DAGLA: variants seen among roughly 807,000 people sequenced by gnomAD.
The protein encoded by DAGLA is diacylglycerol lipase alpha.
DAGLA carries 22 observed loss-of-function variants against 102.6 expected under a neutral mutation model. The ratio of observed to expected loss-of-function variants is 0.21; its 90% CI spans 0.15 to 0.31. The LOEUF is 0.31. Ranked by LOEUF, DAGLA falls within the 10% of genes least tolerant of loss-of-function variation. The probability of loss-of-function intolerance (pLI) is 1.00; values close to 1 mark genes in which losing one functional copy is unlikely to be tolerated. For missense variants in DAGLA, 927 were observed against 1,446.6 expected, an observed-to-expected ratio of 0.64 and a Z score of 5.83; for synonymous variants, 578 against 628.9, an observed-to-expected ratio of 0.92 and a Z score of 1.21.
At chr11:61,711,147 T>C (rs1746573699) in intron 1 of DAGLA, among the ~76,000 whole-genome samples, 1 of 151,926 alleles carries the variant, frequency 6.6e-6, no homozygotes. Flanking sequence ...CCGGGGCAGG[T>C]AGAAAGGACG....
chr11:61,726,129 G>A, intron 6 of DAGLA, 47 bp downstream of exon 6: 1 of 1,560,484 alleles, frequency 6.4e-7, no homozygotes, highest in Non-Finnish European at 8.8e-7. Context: ...CCTGTGGTCA[G>A]GTGATTAAGG....
chr11:61,683,214 T>A (rs1168175750), intron 1 of DAGLA, among the ~76,000 whole-genome samples: 2 of 152,216 alleles, frequency 1.3e-5, no homozygotes, highest in Admixed American at 1.3e-4. Flanking sequence ...GTGCCCAGGC[T>A]GCAGTGTCAA....
chr11:61,694,261 G>GCC (rs1394993460), intron 1 of DAGLA, among the ~76,000 whole-genome samples: 1 of 152,216 alleles, frequency 6.6e-6, no homozygotes, highest in Non-Finnish European at 1.5e-5. Context: ...CTGCTTCCTT[G>GCC]CCTGTTTTTT....
At chr11:61,733,205 G>A (rs151029849) in intron 9 of DAGLA, among the ~76,000 whole-genome samples, 111 of 152,302 alleles carry the variant, frequency 7.3e-4, no homozygotes, top group African/African-American at 2.5e-3. Context: ...GTCAGGAAGT[G>A]ATACAGCAAG....
At chr11:61,714,975 G>A (rs1031632217) in intron 1 of DAGLA, among the ~76,000 whole-genome samples, 1 of 152,212 alleles carries the variant, frequency 6.6e-6, no homozygotes, top group Non-Finnish European at 1.5e-5. Flanking sequence ...GCTGTTTGAA[G>A]TGTTGACTGA....
At chr11:61,695,282 A>G (rs1297504611) in intron 1 of DAGLA, among the ~76,000 whole-genome samples, 1 of 147,056 alleles carries the variant, frequency 6.8e-6, no homozygotes, top group Non-Finnish European at 1.5e-5. Flanking sequence ...CACCTCTAGG[A>G]AGCTTTCTCT....
rs1245577705 is a variant in DAGLA, at chr11:61,745,885, G to T, written c.*1396G>T. 6.6e-6 allele frequency: 1 copy of T among 152,438 alleles called. No individual in the cohort carries two copies. Among genetic ancestry groups the T allele is most frequent in the Non-Finnish European group, 1.5e-5 (1 of 68,106 alleles). 9.4% of individuals were successfully genotyped at this position (152,438 alleles called of 1,614,324 possible). A position where few individuals can be genotyped will look rare whatever the true frequency, so the allele number is the denominator to read the frequency against. ...AGCATGATGGGGCCTTTGAGGCAGG[G>T]TCGCAGGGACAAGCTCAGCTTTAGG... On this transcript the variant is annotated 3_prime_UTR_variant, in exon 20 of 20. Coordinates refer to ENST00000257215, the MANE Select transcript of DAGLA (RefSeq NM_006133.3).
chr11:61,685,072 A>G (rs1265765749), intron 1 of DAGLA, among the ~76,000 whole-genome samples: 1 of 152,060 alleles, frequency 6.6e-6, no homozygotes. Context: ...ACCACCTGGA[A>G]GTCAGCTGGG....
At chr11:61,714,364 C>A (rs1260470193) in intron 1 of DAGLA, among the ~76,000 whole-genome samples, 1 of 152,224 alleles carries the variant, frequency 6.6e-6, no homozygotes, top group Non-Finnish European at 1.5e-5. Flanking sequence ...TCTCTGTCAC[C>A]ACAGCTGCTG....
At chr11:61,722,229 T>A (rs956519145) in intron 3 of DAGLA, among the ~76,000 whole-genome samples, 4 of 152,248 alleles carry the variant, frequency 2.6e-5, no homozygotes, top group Admixed American at 1.3e-4. Context: ...TCAGAGAGAT[T>A]AGGAAACTTG....
At chr11:61,703,852 C>T (rs545776703) in intron 1 of DAGLA, among the ~76,000 whole-genome samples, 8 of 152,330 alleles carry the variant, frequency 5.3e-5, no homozygotes, top group Admixed American at 6.5e-5. Context: ...TTTTACGTGA[C>T]ATGGGAGCCT....
rs369538605 is a variant in DAGLA, at chr11:61,700,475, C to A, written c.-44-19637C>A. 1.5e-3 allele frequency among the ~76,000 whole-genome samples: 222 copies of A among 152,334 alleles called. 11 individuals are homozygous for A. In the South Asian group the frequency reaches 0.044, roughly 30 times the overall value. On this transcript the variant is annotated intron_variant, in intron 1 of 19. Transcript: ENST00000257215. ...GGAAGCCCTGGACCTGCCTCCCCAA[C>A]ACCTGCCCTCCTGAGGGTGTGGCCT...
intron 1 of DAGLA, among the ~76,000 whole-genome samples, chr11:61,716,167 G>A (rs1365006562): frequency 2.0e-5 from 3 of 152,132 alleles, no homozygotes; most frequent in Non-Finnish European, 4.4e-5. Context: ...GCACCCAGAG[G>A]TGTGGCGATG....
Position 61,734,675 on chromosome 11 carries a change from TAA to T in DAGLA, c.975-173_975-172del, listed in dbSNP as rs780875183. On this transcript the variant is annotated intron_variant, in intron 9 of 19. Transcript: ENST00000257215. This position sits in a 1 kb window ranked among gnomAD's most constrained non-coding sequence, Gnocchi z 4.2. ...CCAAGAGCTCAGTTAAGAGGAAGGC[TAA>T]GAGTGGCCAGTGGATTTGGTGACGT... 2.6e-4 allele frequency among the ~76,000 whole-genome samples: 40 copies of T among 152,250 alleles called. No homozygotes were observed. The highest frequency in any genetic ancestry group is 5.3e-4 in the Non-Finnish European group (36 of 68,000).
chr11:61,682,891 G>A (rs1004718391), intron 1 of DAGLA, among the ~76,000 whole-genome samples: 1 of 152,038 alleles, frequency 6.6e-6, no homozygotes, highest in Admixed American at 6.5e-5. Context: ...GACACATAGG[G>A]GAAAGGAAAG....
chr11:61,690,503 C>T (rs2135550609), intron 1 of DAGLA, among the ~76,000 whole-genome samples: 1 of 152,222 alleles, frequency 6.6e-6, no homozygotes, highest in East Asian at 1.9e-4. Context: ...TGTAGGGACA[C>T]ATTTAATGCA....
intron 1 of DAGLA, among the ~76,000 whole-genome samples, chr11:61,694,212 C>T (rs2065046288): frequency 6.6e-6 from 1 of 152,254 alleles, no homozygotes; most frequent in African/African-American, 2.4e-5. Flanking sequence ...TGGGCCTCTC[C>T]AGCTCTGAAC....
intron 1 of DAGLA, among the ~76,000 whole-genome samples, chr11:61,702,001 C>T (rs198450): frequency 0.52 from 78,813 of 151,818 alleles, 23,338 homozygotes; most frequent in Non-Finnish European, 0.65. Context: ...TTCTCAAACT[C>T]CTGGCCTCAA....
intron 1 of DAGLA, among the ~76,000 whole-genome samples, chr11:61,711,754 C>A (rs1233058674): frequency 5.3e-5 from 8 of 152,194 alleles, no homozygotes; most frequent in Non-Finnish European, 8.8e-5. Context: ...TAGCTGGAGC[C>A]TTGGTAATAA....
Sources: gnomAD v4.1 joint callset for allele counts (sites outside exome capture counted in the v4.1 genomes callset) on GRCh38, gnomAD v4.1.1 for gene constraint, Gnocchi (gnomAD v3.1) non-coding constraint, MANE v1.5 for transcripts, NCBI Gene and HGNC (gene_info 2026-07-23, HGNC 2026-07-21) for gene names.